Variants in DOP1B observed in about 807,000 individuals in gnomAD.
DOP1B encodes the protein DOP1 leucine zipper like protein B.
A neutral mutation model predicts 233.5 loss-of-function variants in DOP1B; 174 were observed. The ratio of observed to expected loss-of-function variants is 0.75; its 90% CI spans 0.66 to 0.85. The LOEUF is 0.85. Ranked by LOEUF, DOP1B falls within the 40% of genes least tolerant of loss-of-function variation. The pLI, the probability that DOP1B is intolerant of heterozygous loss-of-function variation, is 0.00. For synonymous variants in DOP1B, 1,190 were observed against 1,185.6 expected, an observed-to-expected ratio of 1.00 and a Z score of -0.08; for missense variants, 2,652 against 2,846.6, an observed-to-expected ratio of 0.93 and a Z score of 1.56.
At chr21:36,207,453 G>C (rs2066440324) in intron 4 of DOP1B, among the ~76,000 whole-genome samples, 1 of 151,126 alleles carries the variant, frequency 6.6e-6, no homozygotes, top group Admixed American at 6.6e-5. Context: ...CCCGAGTGCT[G>C]GGATTACAGG....
At position 36,208,798 on chromosome 21, in the gene DOP1B, G is replaced by T. The variant is rs757181678; in HGVS notation, c.575G>T (p.Ser192Ile). 1.6e-5 allele frequency: 25 copies of T among 1,609,616 alleles called. No homozygotes were observed. The highest frequency in any genetic ancestry group is 1.8e-5 in the Non-Finnish European group (21 of 1,178,056). Residue 192 changes from serine to isoleucine, a missense_variant, in exon 5 of 37, where the codon AGC becomes ATC. Physicochemically the swap from Ser to Ile is moderately radical, Grantham distance 142. This residue lies in a region of DOP1B where 2,617 missense variants were observed against 2,794.3 expected (regional missense o/e 0.94). Transcript: ENST00000691173. ...GCCCTCTGGGGGAGCGTCCTGGCCA[G>T]CCCGTCCATCCGCCTCCCTGCCTCA... Reference protein sequence around the residue: ...YTALWGSVLASPSIRLPASVF... With the variant: ...YTALWGSVLAIPSIRLPASVF...
chr21:36,157,410 G>A (rs185783333), intron 1 of DOP1B, among the ~76,000 whole-genome samples: 9 of 152,252 alleles, frequency 5.9e-5, no homozygotes, highest in Admixed American at 2.6e-4. Flanking sequence ...TTTCCTCGTT[G>A]GGGAAGACCC....
At chr21:36,263,840 A>G (rs1459901508) in intron 26 of DOP1B, 26 bp downstream of exon 26, 1 of 1,608,192 alleles carries the variant, frequency 6.2e-7, no homozygotes, top group South Asian at 1.1e-5. Flanking sequence ...AGGTTCAGCC[A>G]AATGATATTA....
chr21:36,281,228 C>T (rs950260913), intron 31 of DOP1B, among the ~76,000 whole-genome samples: 3 of 151,716 alleles, frequency 2.0e-5, no homozygotes, highest in Non-Finnish European at 2.9e-5. Flanking sequence ...CCCAGGAGGT[C>T]GAGGCCGCAG....
At chr21:36,289,591 G>A (rs1351385550) in intron 35 of DOP1B, among the ~76,000 whole-genome samples, 1 of 152,082 alleles carries the variant, frequency 6.6e-6, no homozygotes, top group African/African-American at 2.4e-5. Flanking sequence ...TTTGGAGCCT[G>A]CCATCTCCGA....
rs1323260246 is a variant in DOP1B, at chr21:36,243,040, C to T, written c.3068-2008C>T. ...TGTGGCCCAGGCTGGAGTGCAGTGG[C>T]GCAATCTTGGTTCATTGCAACCTCT... On this transcript the variant is annotated intron_variant, in intron 18 of 36. Coordinates refer to ENST00000691173, the MANE Select transcript of DOP1B (RefSeq NM_001320714.2). Among the ~76,000 whole-genome samples the T allele has an allele frequency of 4.7e-5, 7 of 148,638 alleles. No homozygotes were observed. In the East Asian group the frequency reaches 1.2e-3, roughly 25 times the overall value.
Position 36,261,132 on chromosome 21 carries a change from A to T in DOP1B, c.5315+400A>T, listed in dbSNP as rs1022401107. The T allele has an allele frequency of 6.1e-6, 6 of 978,894 alleles. No homozygotes were observed. In the African/African-American group the frequency reaches 1.1e-4, roughly 17 times the overall value. 60.6% of individuals were successfully genotyped at this position (978,894 alleles called of 1,614,324 possible). ...GCAATCCCAGCACTTTGGGAGGTGG[A>T]GGCAGGCGGATCACTTGAGGCCAGG... On this transcript the variant is annotated intron_variant, in intron 24 of 36. Coordinates refer to ENST00000691173, the MANE Select transcript of DOP1B (RefSeq NM_001320714.2).
At chr21:36,189,233 T>G (rs2066202256) in intron 2 of DOP1B, among the ~76,000 whole-genome samples, 1 of 152,188 alleles carries the variant, frequency 6.6e-6, no homozygotes, top group African/African-American at 2.4e-5. Context: ...TTTTCAAACA[T>G]ACTTTATACT....
intron 34 of DOP1B, 32 bp from the exon 35 acceptor site, chr21:36,289,013 T>C: frequency 1.2e-6 from 2 of 1,607,642 alleles, no homozygotes; most frequent in Non-Finnish European, 8.5e-7. Flanking sequence ...TCTGAATGAA[T>C]TTATAACAAG....
chr21:36,187,549 T>C (rs55963281), intron 2 of DOP1B, among the ~76,000 whole-genome samples: 59,225 of 151,780 alleles, frequency 0.39, 11,597 homozygotes, highest in Admixed American at 0.43. Context: ...CGCCTTCCTT[T>C]GCCTCCCAAA....
chr21:36,278,592 G>A (rs2067381047), intron 30 of DOP1B, among the ~76,000 whole-genome samples: 1 of 152,176 alleles, frequency 6.6e-6, no homozygotes, highest in Non-Finnish European at 1.5e-5. Flanking sequence ...TCCTGGCTGG[G>A]CACGGTGGCT....
intron 12 of DOP1B, among the ~76,000 whole-genome samples, chr21:36,226,383 C>T (rs373636267): frequency 3.1e-4 from 47 of 149,988 alleles, no homozygotes; most frequent in African/African-American, 9.6e-4. Context: ...CTGCAACCTC[C>T]GCCTCTGGGG....
intron 26 of DOP1B, among the ~76,000 whole-genome samples, chr21:36,264,405 T>G (rs1342796069): frequency 6.6e-6 from 1 of 152,028 alleles, no homozygotes; most frequent in Admixed American, 6.6e-5. Context: ...AGAGAGATCC[T>G]GTCTCAAAAA....
At chr21:36,223,579 A>G (rs2066650064) in intron 11 of DOP1B, among the ~76,000 whole-genome samples, 2 of 152,214 alleles carry the variant, frequency 1.3e-5, no homozygotes, top group African/African-American at 4.8e-5. Context: ...GTAATTCTGA[A>G]GCTGCTTTAA....
chr21:36,263,959 C>T (rs1346351781), intron 26 of DOP1B, 145 bp downstream of exon 26: 2 of 864,980 alleles, frequency 2.3e-6, no homozygotes, highest in Admixed American at 2.4e-5. Context: ...TTACTTCTGC[C>T]ATCACTGTCT....
chr21:36,227,544 CAAAA>C (rs11431401), intron 12 of DOP1B, 138 bp from the exon 13 acceptor site: 6 of 714,228 alleles, frequency 8.4e-6, no homozygotes, highest in African/African-American at 3.7e-5. Flanking sequence ...AAGACTCTGT[CAAAA>C]AAAAAGAAAG....
intron 2 of DOP1B, among the ~76,000 whole-genome samples, chr21:36,196,833 T>C (rs746920866): frequency 1.4e-4 from 21 of 152,100 alleles, no homozygotes; most frequent in Non-Finnish European, 2.8e-4. Context: ...GGTGGGAGGA[T>C]CACTGGAACC....
chr21:36,281,163 G>A (rs940961785), intron 31 of DOP1B, among the ~76,000 whole-genome samples: 1 of 152,084 alleles, frequency 6.6e-6, no homozygotes, highest in Non-Finnish European at 1.5e-5. Context: ...AGGCACTGTG[G>A]CACGCACCTG....
intron 2 of DOP1B, among the ~76,000 whole-genome samples, chr21:36,176,401 G>C (rs377479646): frequency 2.0e-5 from 3 of 152,088 alleles, no homozygotes; most frequent in Admixed American, 2.0e-4. Context: ...CAGCCTCCTT[G>C]TGTATGAGCT....
Sources: gnomAD v4.1 joint callset for allele counts (sites outside exome capture counted in the v4.1 genomes callset) on GRCh38, gnomAD v4.1.1 for gene constraint, gnomAD v4.1.1 regional missense constraint, MANE v1.5 for transcripts, NCBI Gene and HGNC (gene_info 2026-07-23, HGNC 2026-07-21) for gene names.